G3BP2: variants seen among roughly 807,000 people sequenced by gnomAD.
G3BP2 encodes G3BP stress granule assembly factor 2.
A neutral mutation model predicts 56.7 loss-of-function variants in G3BP2; 11 were observed. That is an observed-to-expected ratio of 0.19 (90% CI 0.12 to 0.32). The LOEUF (loss-of-function observed/expected upper bound fraction) is 0.32. Ranked by LOEUF, G3BP2 falls within the 10% of genes least tolerant of loss-of-function variation. The probability of loss-of-function intolerance (pLI) is 1.00; values close to 1 mark genes in which losing one functional copy is unlikely to be tolerated. For synonymous variants in G3BP2, 165 were observed against 191.6 expected (o/e 0.86, Z 1.15); for missense variants, 340 against 610.9 (o/e 0.56, Z 4.67).
chr4:75,673,380 G>C lies in G3BP2; in HGVS notation c.-197C>G, dbSNP rs1481931897. Reference sequence around the variant, plus strand: ...CACAACCACCTCTTCCCGGGCGCCAGGCGCTGCGACGTGCGACAAGGACCA... The same window carrying C: ...CACAACCACCTCTTCCCGGGCGCCACGCGCTGCGACGTGCGACAAGGACCA... On this transcript the variant is annotated 5_prime_UTR_variant, in exon 1 of 12. Transcript: ENST00000359707. The C allele has an allele frequency of 2.4e-6, 3 of 1,231,978 alleles. No homozygotes were observed. Among genetic ancestry groups the C allele is most frequent in the Non-Finnish European group, 3.0e-6 (3 of 987,940 alleles). The allele number at this position is 1,231,978 out of a possible 1,614,324, so 76.3% of individuals were successfully genotyped here.
At chr4:75,691,164 G>A (rs572234361) in intron 3 of G3BP2, among the ~76,000 whole-genome samples, 159 of 151,072 alleles carry the variant, frequency 1.1e-3, no homozygotes, top group African/African-American at 3.7e-3. Flanking sequence ...ACTTCAACCT[G>A]TGCCTCCCAG....
At chr4:75,664,518 GT>G (rs1578402339) in intron 1 of G3BP2, among the ~76,000 whole-genome samples, 1 of 152,090 alleles carries the variant, frequency 6.6e-6, no homozygotes, top group Non-Finnish European at 1.5e-5. Flanking sequence ...AGAGTTTGTA[GT>G]GGGCCAAGAT....
intron 1 of G3BP2, among the ~76,000 whole-genome samples, chr4:75,669,325 C>A (rs1247157920): frequency 6.6e-6 from 1 of 152,190 alleles, no homozygotes; most frequent in East Asian, 1.9e-4. Context: ...GTGTCATAAT[C>A]TTCTCAACTT....
upstream of G3BP2, chr4:75,673,593 G>A (rs1028441626): frequency 6.5e-6 from 8 of 1,231,890 alleles, no homozygotes; most frequent in Non-Finnish European, 8.1e-6. Flanking sequence ...CGCCCGGAAA[G>A]CCGGGGAACC....
intron 8 of G3BP2, among the ~76,000 whole-genome samples, chr4:75,653,460 TG>T (rs1731853450): frequency 6.6e-6 from 1 of 151,572 alleles, no homozygotes; most frequent in Non-Finnish European, 1.5e-5. Context: ...AATACTAGAA[TG>T]ATCAGTTAAG....
intron 7 of G3BP2, among the ~76,000 whole-genome samples, chr4:75,654,704 C>A (rs920544574): frequency 2.0e-5 from 3 of 152,144 alleles, no homozygotes; most frequent in Non-Finnish European, 4.4e-5. Context: ...TAATTATAGA[C>A]CAACTTGTTT....
chr4:75,655,054 C>T lies in G3BP2; in HGVS notation c.726+12G>A. 6.3e-7 allele frequency: 1 copy of T among 1,592,286 alleles called. No homozygotes were observed. Among genetic ancestry groups the T allele is most frequent in the South Asian group, 1.1e-5 (1 of 88,332 alleles). ...TGTGATGTTGTAAGTCTAAAGAGTT[C>T]TTTGATCTAACCTTTGGTGGTTCTT... On this transcript the variant is annotated intron_variant, in intron 7 of 11. Transcript: ENST00000359707.
At chr4:75,669,237 T>A (rs542186462) in intron 1 of G3BP2, among the ~76,000 whole-genome samples, 1 of 152,326 alleles carries the variant, frequency 6.6e-6, no homozygotes, top group South Asian at 2.1e-4. Flanking sequence ...CACCACATAC[T>A]GAACACCTAG....
intron 11 of G3BP2, 89 bp from the exon 12 acceptor site, chr4:75,645,791 A>C (rs1731169770): frequency 1.6e-6 from 2 of 1,230,562 alleles, no homozygotes; most frequent in Non-Finnish European, 2.3e-6. Flanking sequence ...GATAAGCATA[A>C]GGAATAAAAC....
At chr4:75,648,851 G>C (rs1731446893) in intron 8 of G3BP2, 110 bp from the exon 9 acceptor site, 1 of 630,472 alleles carries the variant, frequency 1.6e-6, no homozygotes, top group Admixed American at 2.7e-5. Flanking sequence ...TTTAAGTTTA[G>C]AATGTTTTTA....
chr4:75,718,259 C>T (rs188435069), intron 3 of G3BP2, among the ~76,000 whole-genome samples: 24 of 145,430 alleles, frequency 1.7e-4, no homozygotes, highest in Non-Finnish European at 3.1e-4. Context: ...TTAGGTGTTT[C>T]ATAAGTAATT....
chr4:75,666,404 G>A (rs1201916133), intron 1 of G3BP2, among the ~76,000 whole-genome samples: 1 of 152,182 alleles, frequency 6.6e-6, no homozygotes, highest in East Asian at 1.9e-4. Flanking sequence ...AGCTTTTAAG[G>A]TGCAGAGGAG....
At chr4:75,673,516 C>G (rs1733691592), upstream of G3BP2, 3 of 1,232,134 alleles carry the variant, frequency 2.4e-6, no homozygotes, top group East Asian at 9.5e-5. Flanking sequence ...CCTCCAGAGC[C>G]GGACCCAACC....
intron 2 of G3BP2, among the ~76,000 whole-genome samples, chr4:75,661,302 A>T (rs1303823901): frequency 6.6e-6 from 1 of 151,966 alleles, no homozygotes; most frequent in Non-Finnish European, 1.5e-5. Flanking sequence ...TAATTTTTGT[A>T]TTTTTAGCAG....
chr4:75,705,803 G>A (rs1719522669), intron 3 of G3BP2, among the ~76,000 whole-genome samples: 1 of 152,140 alleles, frequency 6.6e-6, no homozygotes, highest in African/African-American at 2.4e-5. Context: ...AAGAACAGGT[G>A]TAACAGCCTC....
At chr4:75,646,891 C>T in intron 10 of G3BP2, 138 bp downstream of exon 10, 1 of 576,170 alleles carries the variant, frequency 1.7e-6, no homozygotes, top group South Asian at 2.4e-5. Flanking sequence ...CCCTTCTGCA[C>T]AATTAAGGTG....
At chr4:75,711,638 A>G (rs904328755) in intron 3 of G3BP2, among the ~76,000 whole-genome samples, 1 of 152,082 alleles carries the variant, frequency 6.6e-6, no homozygotes, top group African/African-American at 2.4e-5. Context: ...GCTTGAATCC[A>G]GGAGGCGGAA....
At chr4:75,683,739 G>A (rs1718447801) in intron 3 of G3BP2, among the ~76,000 whole-genome samples, 1 of 152,102 alleles carries the variant, frequency 6.6e-6, no homozygotes, top group Non-Finnish European at 1.5e-5. Context: ...GCTAGTGTCT[G>A]GCTCAGAACT....
chr4:75,663,661 A>C (rs1578401017), intron 1 of G3BP2, among the ~76,000 whole-genome samples: 1 of 152,042 alleles, frequency 6.6e-6, no homozygotes, highest in East Asian at 2.0e-4. Flanking sequence ...GGAGTTCAAG[A>C]CCAGCCTGGC....
Sources: allele counts gnomAD v4.1 joint callset (sites outside exome capture counted in the v4.1 genomes callset), GRCh38; gene constraint gnomAD v4.1.1; transcripts MANE v1.5; gene names NCBI Gene and HGNC (gene_info 2026-07-23, HGNC 2026-07-21).